Variants in CNGB1 observed in about 807,000 individuals in gnomAD.
CNGB1 encodes the protein cyclic nucleotide-gated channel beta-1.
Under a neutral mutation model 151.7 loss-of-function variants are expected in CNGB1, and 126 were observed. The observed-to-expected ratio is 0.83, with a 90% confidence interval of 0.72 to 0.96. The LOEUF (loss-of-function observed/expected upper bound fraction) is 0.96. Ranked by LOEUF, CNGB1 falls within the 40% of genes least tolerant of loss-of-function variation. The probability of loss-of-function intolerance (pLI) is 0.00; values close to 1 mark genes in which losing one functional copy is unlikely to be tolerated. For missense variants in CNGB1, 1,698 were observed against 1,627.0 expected (o/e 1.04, Z -0.75); for synonymous variants, 623 against 635.1 (o/e 0.98, Z 0.29).
rs560617819 is a variant in CNGB1 at position 57,940,173 on chromosome 16, C to T, written c.1209+61G>A. Reference sequence around the variant, plus strand: ...CCTGTAAGCAAAGTGGACAAGGTCCCCATCCTTCCACCAATGCCAAGCCAG... The same window carrying T: ...CCTGTAAGCAAAGTGGACAAGGTCCTCATCCTTCCACCAATGCCAAGCCAG... On this transcript the variant is annotated intron_variant, in intron 15 of 32. Transcript: ENST00000251102. 3.8e-5 allele frequency: 55 copies of T among 1,462,788 alleles called. 1 individual carries two copies. In the South Asian group the frequency reaches 6.3e-4, roughly 17 times the overall value. The allele number at this position is 1,462,788 out of a possible 1,614,324, so 90.6% of individuals were successfully genotyped here.
At chr16:57,904,362 G>A (rs1359969544) in intron 26 of CNGB1, among the ~76,000 whole-genome samples, 1 of 152,108 alleles carries the variant, frequency 6.6e-6, no homozygotes, top group Non-Finnish European at 1.5e-5. Flanking sequence ...CCTCGGGGCG[G>A]GGCCCTTCAA....
rs1277296330 is a variant in CNGB1 at position 57,917,376 on chromosome 16, G to A, written c.2058C>T (p.Asp686=). ...CCATCAGCAGCCAGTGGTGGATGTT[G>A]TCCGGGGTCTGGTAGGGGAAGGCCC... ...VRWAFPYQTP[D]NIHHWLLMDY... Residue 686 remains aspartate (D), a synonymous_variant, in exon 21 of 33, where the codon GAC becomes GAT. Coordinates refer to ENST00000251102, the MANE Select transcript of CNGB1 (RefSeq NM_001297.5). 1 of 1,614,020 alleles carries A rather than the reference G, an allele frequency of 6.2e-7. No homozygotes were observed. Among genetic ancestry groups the A allele is most frequent in the Non-Finnish European group, 8.5e-7 (1 of 1,180,036 alleles).
intron 12 of CNGB1, among the ~76,000 whole-genome samples, chr16:57,952,139 G>C (rs1284518040): frequency 2.6e-5 from 4 of 152,240 alleles, no homozygotes; most frequent in Non-Finnish European, 5.9e-5. Flanking sequence ...GGGACATCCA[G>C]GGAACAGAAC....
At chr16:57,943,394 G>T (rs959895470) in intron 14 of CNGB1, among the ~76,000 whole-genome samples, 1 of 152,060 alleles carries the variant, frequency 6.6e-6, no homozygotes, top group African/African-American at 2.4e-5. Context: ...AAGATAGGCC[G>T]GGTGCAGTGG....
At chr16:57,959,485 C>T (rs1367879021) in intron 10 of CNGB1, among the ~76,000 whole-genome samples, 3 of 152,044 alleles carry the variant, frequency 2.0e-5, no homozygotes, top group Non-Finnish European at 4.4e-5. Context: ...ACCTGTAATC[C>T]CAGCTACTCA....
At chr16:57,952,100 G>A (rs1301096215) in intron 12 of CNGB1, among the ~76,000 whole-genome samples, 1 of 152,232 alleles carries the variant, frequency 6.6e-6, no homozygotes, top group East Asian at 1.9e-4. Flanking sequence ...CAGCCCCTTG[G>A]GATGCCAGTT....
intron 8 of CNGB1, 119 bp downstream of exon 8, chr16:57,960,721 T>C (rs2149386923): frequency 7.7e-7 from 1 of 1,306,584 alleles, no homozygotes; most frequent in South Asian, 1.3e-5. Flanking sequence ...AAGTGGGGCA[T>C]CGCCCCCTCA....
intron 31 of CNGB1, among the ~76,000 whole-genome samples, chr16:57,888,744 G>A (rs754691299): frequency 1.4e-4 from 21 of 147,326 alleles, no homozygotes; most frequent in Admixed American, 2.7e-4. Context: ...GAGGCACCGC[G>A]CCTGGCCTCT....
intron 14 of CNGB1, among the ~76,000 whole-genome samples, 157 bp downstream of exon 14, chr16:57,949,196 C>T (rs1261276718): frequency 6.6e-6 from 1 of 151,972 alleles, no homozygotes; most frequent in Non-Finnish European, 1.5e-5. Context: ...AGCAGGGGAA[C>T]CCCAGCTTCT....
Position 57,901,676 on chromosome 16 carries a change from G to A in CNGB1, c.2795-51C>T, listed in dbSNP as rs552718613. ...AGAGGCAAGGCCGGGCCCCACCCCA[G>A]ACATACATACCGGCCAAGTGCCCAC... is the stretch of plus-strand genomic sequence containing the variant. On this transcript the variant is annotated intron_variant, in intron 27 of 32. Coordinates refer to ENST00000251102, the MANE Select transcript of CNGB1 (RefSeq NM_001297.5). 6 of 1,496,296 alleles carry A rather than the reference G, an allele frequency of 4.0e-6. No homozygotes were observed. The Admixed American group carries it at 6.9e-5, about 17-fold the overall frequency. 92.7% of individuals were successfully genotyped at this position (1,496,296 alleles called of 1,614,324 possible). A position where few individuals can be genotyped will look rare whatever the true frequency, so the allele number is the denominator to read the frequency against.
intron 16 of CNGB1, among the ~76,000 whole-genome samples, chr16:57,932,479 C>T (rs1961381935): frequency 6.6e-6 from 1 of 150,958 alleles, no homozygotes; most frequent in Non-Finnish European, 1.5e-5. Context: ...CTCAGTTCAC[C>T]CCAAGCTCCT....
rs372812881 is a variant in CNGB1 at position 57,904,729 on chromosome 16, G to T, written c.2634+5C>A. ...GGGTGGGAAGCTGGGCTGGTGCCCCGATACCTGTCCGATCATCACAGAGAA... is the reference window on the plus strand; with the variant it reads ...GGGTGGGAAGCTGGGCTGGTGCCCCTATACCTGTCCGATCATCACAGAGAA... On this transcript the variant is annotated splice_donor_5th_base_variant and intron_variant, in intron 26 of 32. Transcript: ENST00000251102. The T allele has an allele frequency of 1.9e-6, 3 of 1,613,922 alleles. No homozygotes were observed. The highest frequency in any genetic ancestry group is 1.7e-6 in the Non-Finnish European group (2 of 1,180,024).
At chr16:57,918,356 C>G (rs1218372686) in intron 20 of CNGB1, among the ~76,000 whole-genome samples, 2 of 152,154 alleles carry the variant, frequency 1.3e-5, no homozygotes, top group Admixed American at 6.5e-5. Flanking sequence ...AAGTCCCTCT[C>G]TGGCACCTGC....
At chr16:57,953,777 T>G (rs1262529544) in intron 12 of CNGB1, among the ~76,000 whole-genome samples, 1 of 151,888 alleles carries the variant, frequency 6.6e-6, no homozygotes, top group African/African-American at 2.4e-5. Context: ...CAAAGTATGG[T>G]CCCAGCCTCT....
At chr16:57,910,356 G>A (rs1960675542) in intron 25 of CNGB1, among the ~76,000 whole-genome samples, 3 of 152,012 alleles carry the variant, frequency 2.0e-5, no homozygotes, top group African/African-American at 7.2e-5. Context: ...CAATTGCCAA[G>A]CAGGGAATTT....
chr16:57,932,466 A>G (rs1961381398), intron 16 of CNGB1, among the ~76,000 whole-genome samples: 1 of 145,672 alleles, frequency 6.9e-6, no homozygotes, highest in Non-Finnish European at 1.5e-5. Flanking sequence ...GCAGTGGTGC[A>G]ATCTCAGTTC....
At chr16:57,905,143 G>T (rs757182734) in intron 25 of CNGB1, among the ~76,000 whole-genome samples, 5 of 152,204 alleles carry the variant, frequency 3.3e-5, no homozygotes, top group Non-Finnish European at 7.3e-5. Context: ...GGCTCCAGGG[G>T]ATTTCCAGGA....
In CNGB1 at chr16:57,884,340, C is replaced by T. The variant is rs1959846258; in HGVS notation, c.3580G>A (p.Gly1194Arg). ...GGCGGTGGAGAGCTCGGTGGAGACC[C>T]CGGGGGCTCGGGGGGCGTCCGGGGC... is the stretch of plus-strand genomic sequence containing the variant. ...PAPRTPPEPP[G>R]SPPSSPPPAS... Residue 1194 changes from glycine (G) to arginine (R), a missense_variant, in exon 33 of 33, where the codon GGG becomes AGG. Transcript: ENST00000251102. 1.3e-6 allele frequency: 2 copies of T among 1,547,494 alleles called. No individual in the cohort carries two copies. The highest frequency in any genetic ancestry group is 1.7e-6 in the Non-Finnish European group (2 of 1,149,116).
At chr16:57,961,345 T>C (rs1432602199) in intron 7 of CNGB1, among the ~76,000 whole-genome samples, 1 of 152,206 alleles carries the variant, frequency 6.6e-6, no homozygotes, top group Non-Finnish European at 1.5e-5. Flanking sequence ...AAACAAACTT[T>C]TAAGGGGCCT....
Sources: gnomAD v4.1 joint callset for allele counts (sites outside exome capture counted in the v4.1 genomes callset) on GRCh38, gnomAD v4.1.1 for gene constraint, MANE v1.5 for transcripts, NCBI Gene and HGNC (gene_info 2026-07-23, HGNC 2026-07-21) for gene names.